Variants in CCR3 observed in about 807,000 individuals in gnomAD.
CCR3 encodes C-C motif chemokine receptor 3.
For missense variants in CCR3, 419 were observed against 437.5 expected (o/e 0.96, Z 0.38); for synonymous variants, 203 against 179.2 (o/e 1.13, Z -1.06).
chr3:46,221,473 A>G (rs1055671628), intron 2 of CCR3, among the ~76,000 whole-genome samples: 3 of 152,204 alleles, frequency 2.0e-5, no homozygotes, highest in Non-Finnish European at 4.4e-5. Context: ...TGCACATGCA[A>G]GATGCACCCC....
chr3:46,257,787 C>G (rs530877429), intron 1 of CCR3, among the ~76,000 whole-genome samples: 1 of 152,192 alleles, frequency 6.6e-6, no homozygotes, highest in Admixed American at 6.5e-5. Flanking sequence ...CACAACAGAC[C>G]ATCTACAAGC....
upstream of CCR3, among the ~76,000 whole-genome samples, chr3:46,238,791 AAC>A (rs761710835): frequency 6.6e-6 from 1 of 152,238 alleles, no homozygotes; most frequent in Non-Finnish European, 1.5e-5. Context: ...TACATGGAAT[AAC>A]ACAAATGAAT....
At chr3:46,216,616 A>G (rs764012808) in intron 2 of CCR3, among the ~76,000 whole-genome samples, 32 of 152,188 alleles carry the variant, frequency 2.1e-4, no homozygotes, top group Non-Finnish European at 3.2e-4. Flanking sequence ...TCTCCTTTAT[A>G]GGTAATCTAT....
intron 1 of CCR3, among the ~76,000 whole-genome samples, chr3:46,258,221 C>A (rs999297490): frequency 6.6e-6 from 1 of 152,190 alleles, no homozygotes; most frequent in Non-Finnish European, 1.5e-5. Context: ...ACAGATCCAC[C>A]CTTTGTCAAG....
intron 2 of CCR3, among the ~76,000 whole-genome samples, chr3:46,236,555 C>A (rs147456741): frequency 6.6e-6 from 1 of 152,380 alleles, no homozygotes; most frequent in Non-Finnish European, 1.5e-5. Context: ...CTATAATAAA[C>A]AACTAGAGGA....
intron 2 of CCR3, among the ~76,000 whole-genome samples, chr3:46,230,502 C>T (rs772648597): frequency 6.6e-6 from 1 of 152,132 alleles, no homozygotes; most frequent in African/African-American, 2.4e-5. Flanking sequence ...TCTGATAGAG[C>T]TGGATTCCAG....
At chr3:46,218,377 T>C (rs1699799541) in intron 2 of CCR3, among the ~76,000 whole-genome samples, 1 of 151,796 alleles carries the variant, frequency 6.6e-6, no homozygotes, top group Non-Finnish European at 1.5e-5. Flanking sequence ...ATTGACAGCT[T>C]GAATTCTATC....
chr3:46,233,051 T>G (rs1699983992), intron 2 of CCR3, among the ~76,000 whole-genome samples: 1 of 152,242 alleles, frequency 6.6e-6, no homozygotes, highest in African/African-American at 2.4e-5. Context: ...CAGGCTGGTC[T>G]CGAACTCCTG....
intron 2 of CCR3, among the ~76,000 whole-genome samples, chr3:46,221,576 G>A (rs971545276): frequency 3.3e-5 from 5 of 152,132 alleles, no homozygotes; most frequent in African/African-American, 1.2e-4. Context: ...CAAACCACAC[G>A]GCTCTGCCTG....
chr3:46,266,088 G>A lies in CCR3; in HGVS notation c.930G>A (p.Lys310=). The change falls in exon 2 of 2, where the codon AAG becomes AAA. Residue 310 remains lysine (K), a synonymous_variant. Coordinates refer to ENST00000395940, the MANE Select transcript of CCR3 (RefSeq NM_178329.3). ...CCTTTGTTGGAGAGAGGTTCCGGAA[G>A]TACCTGCGCCACTTCTTCCACAGGC... ...IYAFVGERFR[K]YLRHFFHRHL... 2 of 1,614,058 alleles carry A rather than the reference G, an allele frequency of 1.2e-6. No individual in the cohort carries two copies. Among genetic ancestry groups the A allele is most frequent in the Non-Finnish European group, 1.7e-6 (2 of 1,180,016 alleles).
chr3:46,258,544 C>T (rs1700468280), intron 1 of CCR3, among the ~76,000 whole-genome samples: 1 of 152,152 alleles, frequency 6.6e-6, no homozygotes, highest in African/African-American at 2.4e-5. Flanking sequence ...TTTTCTTTAA[C>T]AATTCCCCAC....
chr3:46,265,036 G>T (rs1700590585), intron 1 of CCR3, 112 bp from the exon 2 acceptor site: 2 of 687,656 alleles, frequency 2.9e-6, no homozygotes, highest in Non-Finnish European at 5.0e-6. Context: ...GAATCCCTAG[G>T]CTGCTATCAC....
chr3:46,262,520 C>T (rs993629626), intron 1 of CCR3, among the ~76,000 whole-genome samples: 7 of 152,108 alleles, frequency 4.6e-5, no homozygotes, highest in Non-Finnish European at 8.8e-5. Context: ...TATCGTTTTC[C>T]AAAATGTAAA....
chr3:46,264,818 G>T, intron 1 of CCR3: 1 of 384,778 alleles, frequency 2.6e-6, no homozygotes, highest in Non-Finnish European at 4.6e-6. Flanking sequence ...TTATTATATT[G>T]TTATCATTAT....
At position 46,265,270 on chromosome 3, in the gene CCR3, C is replaced by A; in HGVS notation, c.112C>A (p.Pro38Thr). The change falls in exon 2 of 2, where the codon CCC becomes ACC. Residue 38 changes from proline to threonine, a missense_variant. Pro to Thr is a conservative substitution (Grantham distance 38). Transcript: ENST00000395940. ...DTRALMAQFV[P>T]PLYSLVFTVG... ...CAGAGCACTGATGGCCCAGTTTGTG[C>A]CCCCGCTGTACTCCCTGGTGTTCAC... The A allele has an allele frequency of 6.2e-7, 1 of 1,613,970 alleles. No individual in the cohort carries two copies. Among genetic ancestry groups the A allele is most frequent in the Non-Finnish European group, 8.5e-7 (1 of 1,179,966 alleles).
chr3:46,214,115 A>G (rs959045638), intron 2 of CCR3, among the ~76,000 whole-genome samples: 1 of 152,188 alleles, frequency 6.6e-6, no homozygotes, highest in African/African-American at 2.4e-5. Context: ...CATCAACTGC[A>G]TTCCCCTCTT....
chr3:46,242,974 T>TACAC (rs1262187032), intron 1 of CCR3, among the ~76,000 whole-genome samples: 76 of 92,508 alleles, frequency 8.2e-4, no homozygotes, highest in Non-Finnish European at 1.0e-3. Flanking sequence ...TATATATATA[T>TACAC]ATATACACAT....
intron 2 of CCR3, among the ~76,000 whole-genome samples, chr3:46,227,965 T>C (rs1054218806): frequency 7.2e-5 from 11 of 152,212 alleles, no homozygotes; most frequent in African/African-American, 1.7e-4. Flanking sequence ...TGAAAAAGTG[T>C]ATTCGTTGTG....
intron 1 of CCR3, among the ~76,000 whole-genome samples, chr3:46,249,458 A>G (rs1700263186): frequency 1.3e-5 from 2 of 152,260 alleles, no homozygotes; most frequent in East Asian, 1.9e-4. Flanking sequence ...TGGAGTGGGT[A>G]GCCTCTGTAT....
Sources: gnomAD v4.1 joint callset for allele counts (sites outside exome capture counted in the v4.1 genomes callset) on GRCh38, gnomAD v4.1.1 for gene constraint, MANE v1.5 for transcripts, NCBI Gene and HGNC (gene_info 2026-07-23, HGNC 2026-07-21) for gene names.